The following FHIP1A variants were observed in gnomAD, a reference collection of about 807,000 sequenced individuals.
FHIP1A encodes FHF complex subunit HOOK interacting protein 1A.
In FHIP1A, 61 loss-of-function variants were observed where a neutral mutation model predicts 88.6. The observed-to-expected ratio is 0.69, with a 90% CI of 0.56 to 0.85. The LOEUF (loss-of-function observed/expected upper bound fraction) is 0.85. Among genes scored for constraint, FHIP1A ranks in the 40% least tolerant of loss-of-function variants. The probability of loss-of-function intolerance (pLI) is 0.00; values close to 1 mark genes in which losing one functional copy is unlikely to be tolerated. For synonymous variants in FHIP1A, 478 were observed against 496.0 expected, an observed-to-expected ratio of 0.96 and a Z score of 0.48; for missense variants, 1,154 against 1,273.5, an observed-to-expected ratio of 0.91 and a Z score of 1.43.
chr4:151,491,099 C>G (rs1328645925), intron 3 of FHIP1A, among the ~76,000 whole-genome samples: 1 of 152,092 alleles, frequency 6.6e-6, no homozygotes, highest in Non-Finnish European at 1.5e-5. Flanking sequence ...CTTCCCTGGT[C>G]TTGCTAGAGA....
chr4:151,510,073 TTTAC>T (rs565741003), intron 3 of FHIP1A, among the ~76,000 whole-genome samples: 286 of 152,186 alleles, frequency 1.9e-3, no homozygotes, highest in Non-Finnish European at 3.0e-3. Flanking sequence ...GCTCCCTCAC[TTTAC>T]ACATGGCCTG....
chr4:151,500,237 G>A (rs550680512), intron 3 of FHIP1A, among the ~76,000 whole-genome samples: 2 of 152,186 alleles, frequency 1.3e-5, no homozygotes, highest in South Asian at 4.2e-4. Flanking sequence ...TTTGTACTTA[G>A]CAGAATAGGG....
chr4:151,622,187 GGGGA>G (rs1735771689), intron 7 of FHIP1A, among the ~76,000 whole-genome samples: 1 of 152,208 alleles, frequency 6.6e-6, no homozygotes, highest in Admixed American at 6.5e-5. Context: ...GCCTAGAAAA[GGGGA>G]GTCTGAGAGG....
intron 3 of FHIP1A, among the ~76,000 whole-genome samples, chr4:151,511,082 AT>A (rs2126677482): frequency 6.6e-6 from 1 of 152,354 alleles, no homozygotes; most frequent in Non-Finnish European, 1.5e-5. Context: ...GAGACCCTGA[AT>A]TCCAGCCTGA....
intron 3 of FHIP1A, among the ~76,000 whole-genome samples, chr4:151,526,793 C>T (rs1238666708): frequency 6.6e-6 from 1 of 150,586 alleles, no homozygotes. Context: ...CGGAGGGGCT[C>T]TTCACTTCTC....
At chr4:151,582,936 G>C (rs762753455) in intron 5 of FHIP1A, among the ~76,000 whole-genome samples, 2 of 152,154 alleles carry the variant, frequency 1.3e-5, no homozygotes, top group Non-Finnish European at 2.9e-5. Context: ...ACCTAGAAAA[G>C]TTAGCTACAG....
At chr4:151,517,444 A>G (rs977611207) in intron 3 of FHIP1A, among the ~76,000 whole-genome samples, 2 of 152,160 alleles carry the variant, frequency 1.3e-5, no homozygotes, top group Non-Finnish European at 2.9e-5. Flanking sequence ...TAAAACTTAA[A>G]GTATAATAAT....
At chr4:151,480,160 G>C (rs1313772130) in intron 2 of FHIP1A, among the ~76,000 whole-genome samples, 1 of 151,980 alleles carries the variant, frequency 6.6e-6, no homozygotes, top group Non-Finnish European at 1.5e-5. Context: ...CCTTGCTTTC[G>C]ATGTCATTCT....
chr4:151,444,721 G>A (rs1323753843), intron 1 of FHIP1A, among the ~76,000 whole-genome samples: 1 of 152,072 alleles, frequency 6.6e-6, no homozygotes, highest in East Asian at 1.9e-4. Flanking sequence ...TTTTACGCAA[G>A]CTTATGTTTT....
chr4:151,515,734 A>G (rs1731209540), intron 3 of FHIP1A, among the ~76,000 whole-genome samples: 1 of 151,818 alleles, frequency 6.6e-6, no homozygotes, highest in African/African-American at 2.4e-5. Context: ...TAGGAATCCA[A>G]CTTACAAGGG....
intron 7 of FHIP1A, among the ~76,000 whole-genome samples, chr4:151,614,798 C>T (rs1251840950): frequency 2.0e-5 from 3 of 152,174 alleles, no homozygotes; most frequent in Admixed American, 1.3e-4. Flanking sequence ...TGAGTGGCAG[C>T]TTAATGTATT....
intron 3 of FHIP1A, among the ~76,000 whole-genome samples, chr4:151,541,862 C>T (rs983045788): frequency 5.3e-5 from 8 of 152,176 alleles, no homozygotes; most frequent in Non-Finnish European, 1.0e-4. Flanking sequence ...GCTAATTACA[C>T]TTTTGTCACT....
intron 7 of FHIP1A, among the ~76,000 whole-genome samples, chr4:151,594,718 C>T (rs376513340): frequency 8.6e-5 from 13 of 151,840 alleles, no homozygotes; most frequent in South Asian, 4.2e-4. Flanking sequence ...GGACTACAGG[C>T]GCCTGCCACC....
rs1346618458 is a variant in FHIP1A at position 151,516,477 on chromosome 4, T to C, written c.-123+33829T>C. On this transcript the variant is annotated intron_variant, in intron 3 of 13. Transcript: ENST00000435205. ...GGATCTAATTAAACTCAAGAGCTTC[T>C]GCACAGCAAAAGAAACTACCATCAG... Among the ~76,000 whole-genome samples, 4 of 152,106 alleles carry C rather than the reference T, an allele frequency of 2.6e-5. No homozygotes were observed. The South Asian group carries it at 6.2e-4, about 24-fold the overall frequency.
intron 1 of FHIP1A, among the ~76,000 whole-genome samples, chr4:151,431,349 C>G (rs1733584443): frequency 6.6e-6 from 1 of 152,120 alleles, no homozygotes; most frequent in Non-Finnish European, 1.5e-5. Flanking sequence ...TGAATAATGT[C>G]AAATGCATTT....
At chr4:151,530,015 G>A (rs1482157212) in intron 3 of FHIP1A, among the ~76,000 whole-genome samples, 1 of 152,148 alleles carries the variant, frequency 6.6e-6, no homozygotes, top group African/African-American at 2.4e-5. Context: ...CCAGAGTAGT[G>A]TCCTATGTTT....
At chr4:151,610,242 ATG>A (rs968407140) in intron 7 of FHIP1A, among the ~76,000 whole-genome samples, 4 of 152,226 alleles carry the variant, frequency 2.6e-5, no homozygotes, top group African/African-American at 9.6e-5. Flanking sequence ...GCCTGGAACA[ATG>A]TGTATGAGTT....
chr4:151,451,889 C>T (rs985250941), intron 1 of FHIP1A, among the ~76,000 whole-genome samples: 9 of 151,232 alleles, frequency 6.0e-5, no homozygotes, highest in South Asian at 2.1e-4. Context: ...GGCACTCTCA[C>T]GGCTCATTAC....
Position 151,668,530 on chromosome 4 carries a change from T to C in FHIP1A, c.*5776T>C, listed in dbSNP as rs965021877. Among the ~76,000 whole-genome samples the C allele has an allele frequency of 1.3e-5, 2 of 152,218 alleles. No individual in the cohort carries two copies. Among genetic ancestry groups the C allele is most frequent in the African/African-American group, 4.8e-5 (2 of 41,458 alleles). Reference sequence around the variant, plus strand: ...TGATCTAGGTTCTTTTTCCTAGGCCTAGGCCTCCACCTTGAAAGACAGGAA... The same window carrying C: ...TGATCTAGGTTCTTTTTCCTAGGCCCAGGCCTCCACCTTGAAAGACAGGAA... On this transcript the variant is annotated 3_prime_UTR_variant, in exon 14 of 14. Coordinates refer to ENST00000435205, the MANE Select transcript of FHIP1A (RefSeq NM_001109977.3).
Sources: allele counts gnomAD v4.1 joint callset (sites outside exome capture counted in the v4.1 genomes callset), GRCh38; gene constraint gnomAD v4.1.1; transcripts MANE v1.5; gene names NCBI Gene and HGNC (gene_info 2026-07-23, HGNC 2026-07-21).